The following NEGR1 variants were observed in gnomAD, a reference collection of about 807,000 sequenced individuals.
NEGR1 encodes the protein neuronal growth regulator 1.
In NEGR1, 10 loss-of-function variants were observed where a neutral mutation model predicts 40.9. The ratio of observed to expected loss-of-function variants is 0.24; its 90% CI spans 0.15 to 0.42. NEGR1 has a LOEUF of 0.42. Ranked by LOEUF, NEGR1 falls within the 10% of genes least tolerant of loss-of-function variation. The pLI is 1.00. For missense variants in NEGR1, 352 were observed against 438.9 expected (o/e 0.80, Z 1.77); for synonymous variants, 185 against 166.8 (o/e 1.11, Z -0.84).
intron 2 of NEGR1, among the ~76,000 whole-genome samples, chr1:71,917,180 T>C (rs1246897139): frequency 6.6e-6 from 1 of 152,204 alleles, no homozygotes; most frequent in Non-Finnish European, 1.5e-5. Flanking sequence ...GAATGTTAAA[T>C]ATTGCACTGG....
chr1:72,253,185 T>C (rs1263678742), intron 1 of NEGR1, among the ~76,000 whole-genome samples: 1 of 152,200 alleles, frequency 6.6e-6, no homozygotes, highest in East Asian at 1.9e-4. Context: ...AACATAATGT[T>C]CCATTGCCTC....
intron 1 of NEGR1, among the ~76,000 whole-genome samples, chr1:72,061,572 TA>T (rs1224163949): frequency 6.6e-6 from 1 of 151,718 alleles, no homozygotes; most frequent in Non-Finnish European, 1.5e-5. Flanking sequence ...ATAATCCATA[TA>T]GATTAATTGA....
chr1:71,610,574 T>A (rs567914998), intron 5 of NEGR1, among the ~76,000 whole-genome samples: 13 of 152,292 alleles, frequency 8.5e-5, no homozygotes, highest in Admixed American at 2.0e-4. Context: ...AACATAGTGT[T>A]CTGTAAAACA....
chr1:71,709,079 T>C (rs1464229204), intron 3 of NEGR1, among the ~76,000 whole-genome samples: 1 of 152,210 alleles, frequency 6.6e-6, no homozygotes, highest in African/African-American at 2.4e-5. Context: ...GTCTTTATAA[T>C]AGAATGATTT....
chr1:71,455,806 T>A lies in NEGR1; in HGVS notation c.941-48236A>T, dbSNP rs150773993. 2.1e-3 allele frequency among the ~76,000 whole-genome samples: 327 copies of A among 152,334 alleles called. 1 individual carries two copies. Among genetic ancestry groups the A allele is most frequent in the African/African-American group, 7.6e-3 (314 of 41,580 alleles). On this transcript the variant is annotated intron_variant, in intron 6 of 6. Transcript: ENST00000357731. The stretch of plus-strand genomic sequence containing the variant: ...TATGTCTCCAAGTTAAAATTCTTAA[T>A]TTATGATTTATCACTGTCTAATTAT...
chr1:71,525,250 T>G (rs902606904), intron 6 of NEGR1, among the ~76,000 whole-genome samples: 12 of 151,730 alleles, frequency 7.9e-5, no homozygotes, highest in Non-Finnish European at 1.3e-4. Context: ...CTATTTTCTT[T>G]CTTTCCACTG....
intron 2 of NEGR1, among the ~76,000 whole-genome samples, chr1:71,800,139 T>A (rs1248495778): frequency 6.6e-6 from 1 of 152,226 alleles, no homozygotes; most frequent in African/African-American, 2.4e-5. Flanking sequence ...GCTGCATAAA[T>A]GTCTTCTTTT....
chr1:71,962,294 G>C (rs1646172018), intron 1 of NEGR1, among the ~76,000 whole-genome samples: 1 of 152,078 alleles, frequency 6.6e-6, no homozygotes, highest in Admixed American at 6.6e-5. Flanking sequence ...GTTTTACACA[G>C]ATATGTCAGG....
chr1:71,475,495 C>T (rs1646813598), intron 6 of NEGR1, among the ~76,000 whole-genome samples: 1 of 151,770 alleles, frequency 6.6e-6, no homozygotes, highest in Non-Finnish European at 1.5e-5. Context: ...CAATATGTAA[C>T]TGTAATTTTT....
At chr1:71,613,369 G>A (rs1216644599) in intron 4 of NEGR1, among the ~76,000 whole-genome samples, 4 of 152,090 alleles carry the variant, frequency 2.6e-5, no homozygotes, top group Admixed American at 2.0e-4. Context: ...GGAGGGGGCT[G>A]TGTGCAGTGG....
chr1:71,686,981 C>T (rs986254540), intron 4 of NEGR1, among the ~76,000 whole-genome samples: 2 of 152,168 alleles, frequency 1.3e-5, no homozygotes, highest in South Asian at 2.1e-4. Context: ...TACTTCCCTC[C>T]ATCCTATTAT....
intron 2 of NEGR1, among the ~76,000 whole-genome samples, chr1:71,920,532 T>G (rs977025463): frequency 6.6e-6 from 1 of 152,198 alleles, no homozygotes; most frequent in Admixed American, 6.5e-5. Context: ...TCCTAGCCCC[T>G]ACCTAACTTT....
At chr1:72,245,946 T>C (rs1654889073) in intron 1 of NEGR1, among the ~76,000 whole-genome samples, 1 of 152,168 alleles carries the variant, frequency 6.6e-6, no homozygotes, top group Non-Finnish European at 1.5e-5. Flanking sequence ...CAATAGGCCA[T>C]GTGAATTAAA....
chr1:71,510,948 A>C, intron 6 of NEGR1, among the ~76,000 whole-genome samples: 1 of 152,244 alleles, frequency 6.6e-6, no homozygotes, highest in East Asian at 1.9e-4. Flanking sequence ...TAGTTTTCTC[A>C]GGTTGTGAAA....
chr1:71,573,852 A>G (rs1648878816), intron 6 of NEGR1, among the ~76,000 whole-genome samples: 1 of 152,138 alleles, frequency 6.6e-6, no homozygotes, highest in African/African-American at 2.4e-5. Flanking sequence ...TAAGGACCCA[A>G]CCAGAATTCC....
At chr1:71,559,023 A>ATG (rs1557566255) in intron 6 of NEGR1, among the ~76,000 whole-genome samples, 5 of 76,988 alleles carry the variant, frequency 6.5e-5, no homozygotes, top group Non-Finnish European at 1.5e-4. Context: ...GTGTGTGTAT[A>ATG]TATATATATA....
intron 6 of NEGR1, among the ~76,000 whole-genome samples, chr1:71,460,488 T>A (rs972824125): frequency 1.3e-5 from 2 of 152,228 alleles, no homozygotes; most frequent in African/African-American, 4.8e-5. Flanking sequence ...GGCAATTTTC[T>A]TAATCTCTGT....
chr1:72,115,188 TA>T (rs1649535004), intron 1 of NEGR1, among the ~76,000 whole-genome samples: 1 of 147,630 alleles, frequency 6.8e-6, no homozygotes, highest in African/African-American at 2.4e-5. Flanking sequence ...AAAAATGCGT[TA>T]ATTGTGGTCT....
chr1:71,763,934 GC>G (rs1656035363), intron 3 of NEGR1, among the ~76,000 whole-genome samples: 1 of 152,090 alleles, frequency 6.6e-6, no homozygotes, highest in South Asian at 2.1e-4. Flanking sequence ...CATTGGTTCA[GC>G]AATCTTTACA....
Sources: allele counts gnomAD v4.1 joint callset (sites outside exome capture counted in the v4.1 genomes callset), GRCh38; gene constraint gnomAD v4.1.1; transcripts MANE v1.5; gene names NCBI Gene and HGNC (gene_info 2026-07-23, HGNC 2026-07-21).